The following SNX25 variants were observed in gnomAD, a reference collection of about 807,000 sequenced individuals.
SNX25 encodes the protein sorting nexin-25.
A neutral mutation model predicts 113.7 loss-of-function variants in SNX25; 62 were observed. The observed-to-expected ratio is 0.55, with a 90% CI of 0.44 to 0.67. SNX25 has a LOEUF of 0.67. SNX25 is among the 30% of genes least tolerant of loss of function. The probability of loss-of-function intolerance (pLI) is 0.00; values close to 1 mark genes in which losing one functional copy is unlikely to be tolerated. For synonymous variants in SNX25, 421 were observed against 436.2 expected (o/e 0.97, Z 0.43); for missense variants, 1,014 against 1,161.0 (o/e 0.87, Z 1.84).
rs914555698 is a variant in SNX25, at chr4:185,334,885, G to A, written c.1914+2126G>A. 5.9e-5 allele frequency among the ~76,000 whole-genome samples: 9 copies of A among 152,270 alleles called. No individual in the cohort carries two copies. The highest frequency in any genetic ancestry group is 4.1e-4 in the South Asian group (2 of 4,822). ...ATCAGATTGTCCACAGGCTGCTCAC[G>A]GAGCACTCTGCTTCTGGCAGTTGTG... On this transcript the variant is annotated intron_variant, in intron 10 of 18. Transcript: ENST00000652585. This position sits in a 1 kb window ranked among gnomAD's most constrained non-coding sequence, Gnocchi z 4.2.
At chr4:185,268,553 T>C (rs1748470246) in intron 5 of SNX25, among the ~76,000 whole-genome samples, 3 of 152,190 alleles carry the variant, frequency 2.0e-5, no homozygotes, top group South Asian at 4.1e-4. Flanking sequence ...AAAACTCTTA[T>C]ATGTTCATTT....
At chr4:185,275,788 T>C (rs1749589338) in intron 5 of SNX25, among the ~76,000 whole-genome samples, 2 of 152,172 alleles carry the variant, frequency 1.3e-5, no homozygotes, top group South Asian at 2.1e-4. Flanking sequence ...TGAGCACATA[T>C]AAACTGCCAA....
intron 5 of SNX25, among the ~76,000 whole-genome samples, chr4:185,270,734 A>G (rs1406231885): frequency 1.3e-5 from 2 of 152,068 alleles, no homozygotes; most frequent in Non-Finnish European, 2.9e-5. Context: ...TTCTGTCTCT[A>G]TGGATTTGCC....
chr4:185,308,607 C>G (rs1460947118), intron 6 of SNX25, among the ~76,000 whole-genome samples: 1 of 152,128 alleles, frequency 6.6e-6, no homozygotes, highest in Admixed American at 6.5e-5. Context: ...GTTCATTGAT[C>G]CATTCAACTC....
chr4:185,226,221 C>A (rs868587271), intron 1 of SNX25, among the ~76,000 whole-genome samples: 1 of 152,088 alleles, frequency 6.6e-6, no homozygotes. Flanking sequence ...GGCGGTGGTG[C>A]CTTTTGGATT....
At chr4:185,278,864 A>G (rs923215129) in intron 5 of SNX25, among the ~76,000 whole-genome samples, 7 of 152,206 alleles carry the variant, frequency 4.6e-5, no homozygotes, top group Non-Finnish European at 1.0e-4. Flanking sequence ...ACATAAAACT[A>G]TGAGGAACAG....
intron 8 of SNX25, among the ~76,000 whole-genome samples, chr4:185,322,912 G>A (rs1021643811): frequency 3.9e-5 from 6 of 152,192 alleles, no homozygotes; most frequent in Admixed American, 1.3e-4. Context: ...TGAAAACTGC[G>A]TAACATTTCT....
chr4:185,224,264 T>C (rs1173315762), intron 1 of SNX25, among the ~76,000 whole-genome samples: 1 of 151,470 alleles, frequency 6.6e-6, no homozygotes, highest in East Asian at 1.9e-4. Context: ...GGCAGGAGAA[T>C]TGCTTGAACC....
chr4:185,313,023 G>A (rs2095043357), intron 7 of SNX25, among the ~76,000 whole-genome samples: 1 of 152,096 alleles, frequency 6.6e-6, no homozygotes, highest in Non-Finnish European at 1.5e-5. Flanking sequence ...TTCATGAGTG[G>A]GAAGAAAACT....
intron 7 of SNX25, among the ~76,000 whole-genome samples, chr4:185,315,330 G>C (rs1163292025): frequency 1.6e-5 from 2 of 128,596 alleles, no homozygotes; most frequent in Non-Finnish European, 3.2e-5. Flanking sequence ...GTCTTCCTCT[G>C]TTGTTCAGGC....
In SNX25 at chr4:185,307,115, C is replaced by T. The variant is rs1435226247; in HGVS notation, c.1163-3520C>T. ...CCGGAAAAGCTGCTTCTGATAAAAA[C>T]GTATTATGGTGCTGTGTCTAAGTTT... On this transcript the variant is annotated intron_variant, in intron 6 of 18. Coordinates refer to ENST00000652585, the MANE Select transcript of SNX25 (RefSeq NM_001378034.2). Among the ~76,000 whole-genome samples, 3 of 152,136 alleles carry T rather than the reference C, an allele frequency of 2.0e-5. 1 individual carries two copies. Among genetic ancestry groups the T allele is most frequent in the Admixed American group, 1.3e-4 (2 of 15,246 alleles).
chr4:185,367,082 T>C, downstream of SNX25: 1 of 1,026,752 alleles, frequency 9.7e-7, no homozygotes, highest in East Asian at 2.4e-5. Context: ...CAGGATAGTG[T>C]AATTTGTGAT....
upstream of SNX25, among the ~76,000 whole-genome samples, chr4:185,205,808 G>T (rs563264523): frequency 6.6e-6 from 1 of 152,112 alleles, no homozygotes; most frequent in Admixed American, 6.6e-5. Flanking sequence ...CAGCCTGGGC[G>T]ACAGAGCAAG....
intron 1 of SNX25, among the ~76,000 whole-genome samples, chr4:185,237,866 C>T (rs372997719): frequency 6.6e-6 from 1 of 151,730 alleles, no homozygotes; most frequent in South Asian, 2.1e-4. Flanking sequence ...AGTTCGAGAC[C>T]AGCCTGGCCA....
At chr4:185,287,966 A>G (rs1002029447) in intron 5 of SNX25, 46 bp from the exon 6 acceptor site, 1 of 1,470,516 alleles carries the variant, frequency 6.8e-7, no homozygotes, top group East Asian at 2.3e-5. Flanking sequence ...TGAAAATAGT[A>G]TTTTCTTCCT....
intron 6 of SNX25, among the ~76,000 whole-genome samples, chr4:185,298,341 G>A (rs6552877): frequency 0.076 from 11,503 of 151,824 alleles, 615 homozygotes; most frequent in East Asian, 0.19. Context: ...CACCCGCCTC[G>A]GCCTCCCAAA....
At chr4:185,243,202 AT>A (rs1385581421) in intron 1 of SNX25, among the ~76,000 whole-genome samples, 2 of 152,234 alleles carry the variant, frequency 1.3e-5, no homozygotes, top group East Asian at 3.8e-4. Flanking sequence ...TAAAATACTT[AT>A]AAAATTTGCT....
chr4:185,254,142 C>T (rs903032808), intron 2 of SNX25, among the ~76,000 whole-genome samples: 5 of 152,124 alleles, frequency 3.3e-5, no homozygotes, highest in Middle Eastern at 3.2e-3. Context: ...GAAAGCTCAA[C>T]TCATCGAGTT....
chr4:185,310,589 C>A, intron 6 of SNX25, 46 bp from the exon 7 acceptor site: 1 of 1,561,310 alleles, frequency 6.4e-7, no homozygotes. Flanking sequence ...TGTGTCCTTT[C>A]ATGCCTTGTC....
Sources: allele counts gnomAD v4.1 joint callset (sites outside exome capture counted in the v4.1 genomes callset), GRCh38; gene constraint gnomAD v4.1.1; non-coding constraint Gnocchi (gnomAD v3.1); transcripts MANE v1.5; gene names NCBI Gene and HGNC (gene_info 2026-07-23, HGNC 2026-07-21).